The following MEIS1 variants were observed in gnomAD, a reference collection of about 807,000 sequenced individuals.
MEIS1 encodes the protein homeobox protein Meis1.
A neutral mutation model predicts 50.8 loss-of-function variants in MEIS1; 5 were observed. That is an observed-to-expected ratio of 0.10 (90% CI 0.05 to 0.21). The LOEUF is 0.21. Among genes scored for constraint, MEIS1 ranks in the 10% least tolerant of loss-of-function variants. MEIS1 has a pLI of 1.00. For missense variants in MEIS1, 318 were observed against 517.3 expected (o/e 0.61, Z 3.74); for synonymous variants, 176 against 179.3 (o/e 0.98, Z 0.15).
intron 6 of MEIS1, among the ~76,000 whole-genome samples, chr2:66,444,482 G>A (rs1672078987): frequency 6.6e-6 from 1 of 152,250 alleles, no homozygotes; most frequent in Non-Finnish European, 1.5e-5. Context: ...TTGCCCATGG[G>A]GAGCGAGAAA....
intron 8 of MEIS1, among the ~76,000 whole-genome samples, chr2:66,540,914 A>AAT (rs1158444082): frequency 5.3e-5 from 8 of 152,168 alleles, no homozygotes; most frequent in Admixed American, 5.2e-4. Context: ...GCAGTTTCTT[A>AAT]ATATAAGTAT....
At chr2:66,553,879 C>T (rs1029902442) in intron 9 of MEIS1, among the ~76,000 whole-genome samples, 5 of 152,196 alleles carry the variant, frequency 3.3e-5, no homozygotes, top group African/African-American at 4.8e-5. Context: ...CTTTGAAACA[C>T]TGTGCTGGCT....
At chr2:66,459,267 C>A (rs1352100317) in intron 6 of MEIS1, among the ~76,000 whole-genome samples, 1 of 152,052 alleles carries the variant, frequency 6.6e-6, no homozygotes, top group Admixed American at 6.5e-5. Flanking sequence ...GGGCCTGGAG[C>A]AATAAGCAGC....
At chr2:66,477,984 C>T (rs1558532975) in intron 7 of MEIS1, among the ~76,000 whole-genome samples, 1 of 152,202 alleles carries the variant, frequency 6.6e-6, no homozygotes, top group Admixed American at 6.5e-5. Flanking sequence ...TACCTTTTTA[C>T]ACTGAAACAG....
intron 8 of MEIS1, 41 bp downstream of exon 8, chr2:66,512,335 C>G (rs1321580254): frequency 1.3e-5 from 21 of 1,563,894 alleles, no homozygotes; most frequent in Admixed American, 1.9e-5. Context: ...TAAATATGGA[C>G]AATGAACCAG....
chr2:66,539,189 A>G (rs1225890758), intron 8 of MEIS1, among the ~76,000 whole-genome samples: 1 of 152,020 alleles, frequency 6.6e-6, no homozygotes, highest in East Asian at 1.9e-4. Flanking sequence ...GCCTGGCCAA[A>G]AGTGCTCTTG....
At chr2:66,484,702 G>A (rs947864353) in intron 7 of MEIS1, among the ~76,000 whole-genome samples, 7 of 151,972 alleles carry the variant, frequency 4.6e-5, no homozygotes, top group Non-Finnish European at 7.4e-5. Flanking sequence ...GGGATTATAG[G>A]AATGCACCAC....
intron 6 of MEIS1, among the ~76,000 whole-genome samples, chr2:66,455,477 G>T (rs1672366930): frequency 6.6e-6 from 1 of 152,176 alleles, no homozygotes; most frequent in Admixed American, 6.5e-5. Context: ...TCTGAGTGTT[G>T]TTTTACATCT....
intron 9 of MEIS1, among the ~76,000 whole-genome samples, chr2:66,557,810 G>A (rs549491536): frequency 3.7e-4 from 56 of 152,246 alleles, no homozygotes; most frequent in African/African-American, 1.3e-3. Flanking sequence ...TGTATAATTT[G>A]GAAAGCACTT....
At chr2:66,440,437 C>T (rs1671941466) in intron 3 of MEIS1, 125 bp from the exon 4 acceptor site, 2 of 814,412 alleles carry the variant, frequency 2.5e-6, no homozygotes, top group Admixed American at 4.0e-5. Flanking sequence ...GGGTCCCTCC[C>T]GGAGGGTTAC....
intron 7 of MEIS1, among the ~76,000 whole-genome samples, chr2:66,499,045 G>A (rs921836071): frequency 1.9e-4 from 29 of 152,284 alleles, no homozygotes; most frequent in East Asian, 9.7e-4. Flanking sequence ...CTGACTAACC[G>A]AGTGGAAGGT....
chr2:66,568,384 A>C (rs918121102), intron 10 of MEIS1: 2 of 321,992 alleles, frequency 6.2e-6, no homozygotes, highest in Non-Finnish European at 1.2e-5. Context: ...TACTCCTGTA[A>C]CTTTTTTTCT....
At chr2:66,469,721 T>C (rs958119581) in intron 7 of MEIS1, among the ~76,000 whole-genome samples, 1 of 152,190 alleles carries the variant, frequency 6.6e-6, no homozygotes, top group Non-Finnish European at 1.5e-5. Context: ...ATTTTTCACA[T>C]ACTTCCAATT....
intron 1 of MEIS1, among the ~76,000 whole-genome samples, 167 bp downstream of exon 1, chr2:66,436,035 T>G (rs548787571): frequency 6.6e-6 from 1 of 152,176 alleles, no homozygotes; most frequent in Non-Finnish European, 1.5e-5. Flanking sequence ...TGTAGACTTA[T>G]GTATGTTACT....
intron 6 of MEIS1, 62 bp downstream of exon 6, chr2:66,443,110 C>G: frequency 6.6e-7 from 1 of 1,507,806 alleles, no homozygotes; most frequent in Non-Finnish European, 8.9e-7. Flanking sequence ...ATATTGCTTG[C>G]TGGGTCACTA....
chr2:66,468,803 G>C lies in MEIS1; in HGVS notation c.742+4583G>C, dbSNP rs1672700635. On this transcript the variant is annotated intron_variant, in intron 7 of 12. Transcript: ENST00000272369. ...AGATAGAATCACCTTAAACTCAGAG[G>C]GGTAATGTTCTGTTGGGGAGGGAGA... Among the ~76,000 whole-genome samples, 4 of 152,308 alleles carry C rather than the reference G, an allele frequency of 2.6e-5. No homozygotes were observed. The South Asian group carries it at 8.3e-4, about 32-fold the overall frequency.
intron 8 of MEIS1, among the ~76,000 whole-genome samples, chr2:66,534,455 A>C (rs1273764698): frequency 2.6e-5 from 4 of 152,068 alleles, no homozygotes; most frequent in African/African-American, 7.2e-5. Context: ...GATTGCTTGA[A>C]CCTGGGAGGC....
intron 6 of MEIS1, among the ~76,000 whole-genome samples, chr2:66,459,989 G>T (rs1672481880): frequency 1.3e-5 from 2 of 152,076 alleles, no homozygotes; most frequent in Non-Finnish European, 2.9e-5. Flanking sequence ...GTGGAGGAGG[G>T]AATTATCCAA....
At chr2:66,438,268 T>C (rs529905089) in intron 2 of MEIS1, among the ~76,000 whole-genome samples, 6 of 152,180 alleles carry the variant, frequency 3.9e-5, no homozygotes, top group South Asian at 2.1e-4. Context: ...CGGGCTGGAG[T>C]CCTCCCTCGC....
Sources: allele counts gnomAD v4.1 joint callset (sites outside exome capture counted in the v4.1 genomes callset), GRCh38; gene constraint gnomAD v4.1.1; transcripts MANE v1.5; gene names NCBI Gene and HGNC (gene_info 2026-07-23, HGNC 2026-07-21).